Variants in KCNH1 observed in about 807,000 individuals in gnomAD.
KCNH1 encodes voltage-gated delayed rectifier potassium channel KCNH1.
KCNH1 carries 27 observed loss-of-function variants against 69.2 expected under a neutral mutation model. The ratio of observed to expected loss-of-function variants is 0.39; its 90% CI spans 0.29 to 0.54. The LOEUF is 0.54. Among genes scored for constraint, KCNH1 ranks in the 20% least tolerant of loss-of-function variants. KCNH1 has a pLI of 0.68. For synonymous variants in KCNH1, 456 were observed against 487.7 expected (o/e 0.93, Z 0.86); for missense variants, 798 against 1,261.6 (o/e 0.63, Z 5.57).
intron 5 of KCNH1, among the ~76,000 whole-genome samples, chr1:211,031,542 A>C (rs1002187900): frequency 6.6e-6 from 1 of 152,176 alleles, no homozygotes; most frequent in African/African-American, 2.4e-5. Context: ...AAGCTTATCC[A>C]TGATCATGAT....
chr1:210,714,281 T>A (rs1360720924), intron 10 of KCNH1, among the ~76,000 whole-genome samples: 1 of 152,132 alleles, frequency 6.6e-6, no homozygotes, highest in Non-Finnish European at 1.5e-5. Flanking sequence ...GGGAGTAAAG[T>A]AAAGTATAGT....
intron 7 of KCNH1, among the ~76,000 whole-genome samples, chr1:210,826,631 C>T (rs1372401466): frequency 6.6e-6 from 1 of 152,192 alleles, no homozygotes; most frequent in African/African-American, 2.4e-5. Context: ...GCTAGCAACC[C>T]CCAGTTCAGC....
intron 5 of KCNH1, among the ~76,000 whole-genome samples, chr1:211,033,054 T>G (rs1395214096): frequency 2.6e-5 from 4 of 151,930 alleles, no homozygotes; most frequent in Non-Finnish European, 5.9e-5. Context: ...TGAACTCAAA[T>G]AAATTTACAA....
intron 4 of KCNH1, among the ~76,000 whole-genome samples, chr1:211,083,441 G>A (rs1690892755): frequency 6.6e-6 from 1 of 152,222 alleles, no homozygotes; most frequent in African/African-American, 2.4e-5. Flanking sequence ...GGGTAGGTGG[G>A]GGAAAAGCAG....
intron 7 of KCNH1, among the ~76,000 whole-genome samples, chr1:210,848,914 G>C (rs1685620931): frequency 6.6e-6 from 1 of 152,158 alleles, no homozygotes; most frequent in African/African-American, 2.4e-5. Context: ...AGAGTTAAGT[G>C]TCTTAGACCT....
intron 7 of KCNH1, among the ~76,000 whole-genome samples, chr1:210,816,199 AG>A (rs1336040276): frequency 6.6e-6 from 1 of 152,218 alleles, no homozygotes; most frequent in African/African-American, 2.4e-5. Flanking sequence ...TTATAACAAG[AG>A]AAGCCTAAAA....
chr1:210,743,501 G>A (rs930173730), intron 10 of KCNH1, among the ~76,000 whole-genome samples: 30 of 152,148 alleles, frequency 2.0e-4, no homozygotes, highest in African/African-American at 7.2e-4. Context: ...TAGGGGTCCT[G>A]GTTACAGCCT....
chr1:211,020,958 A>G (rs1186439685), intron 5 of KCNH1, among the ~76,000 whole-genome samples: 3 of 152,022 alleles, frequency 2.0e-5, no homozygotes, highest in Non-Finnish European at 4.4e-5. Flanking sequence ...AAAAAACTCA[A>G]CAAATGAGGT....
intron 10 of KCNH1, among the ~76,000 whole-genome samples, chr1:210,755,160 C>T (rs900747149): frequency 2.2e-5 from 3 of 137,360 alleles, no homozygotes; most frequent in Non-Finnish European, 4.7e-5. Context: ...ACAGAGTGGT[C>T]GGGGTGGGGG....
At chr1:211,056,982 C>G (rs944542213) in intron 5 of KCNH1, among the ~76,000 whole-genome samples, 4 of 152,122 alleles carry the variant, frequency 2.6e-5, no homozygotes, top group African/African-American at 9.7e-5. Context: ...TGAACATCCA[C>G]CAGTATCGAG....
chr1:211,023,160 A>AAATT lies in KCNH1; in HGVS notation c.559-3908_559-3905dup, dbSNP rs367671816. Among the ~76,000 whole-genome samples, 632 of 100,534 alleles carry AAATT rather than the reference A, an allele frequency of 6.3e-3. 3 individuals carry two copies. Among genetic ancestry groups the AAATT allele is most frequent in the Non-Finnish European group, 9.9e-3 (481 of 48,672 alleles). The allele number at this position is 100,534 out of a possible 152,430, so 66.0% of individuals were successfully genotyped here. Reference sequence around the variant, plus strand: ...TAAATAAATAAATAAATAAATAAATAAATTAAAAATGCTGGTGAGGATCCA... The same window carrying AAATT: ...TAAATAAATAAATAAATAAATAAATAAATTAATTAAAAATGCTGGTGAGGATCCA... On this transcript the variant is annotated intron_variant, in intron 5 of 10. Transcript: ENST00000271751.
intron 10 of KCNH1, among the ~76,000 whole-genome samples, chr1:210,742,823 G>A (rs766457785): frequency 2.6e-5 from 4 of 152,084 alleles, no homozygotes; most frequent in Non-Finnish European, 4.4e-5. Context: ...GAACGAGGAG[G>A]CTCAGTTCAT....
chr1:210,831,541 C>T (rs75147474), intron 7 of KCNH1, among the ~76,000 whole-genome samples: 14,306 of 152,188 alleles, frequency 0.094, 709 homozygotes, highest in Non-Finnish European at 0.11. Flanking sequence ...TGAATAGATG[C>T]CTCAGTAGGC....
At chr1:210,961,158 T>C (rs924785015) in intron 6 of KCNH1, among the ~76,000 whole-genome samples, 7 of 152,316 alleles carry the variant, frequency 4.6e-5, no homozygotes, top group African/African-American at 1.7e-4. Flanking sequence ...TTAAAATCTT[T>C]TGTCTATTTT....
chr1:210,901,279 CT>C (rs2102535924), intron 7 of KCNH1, among the ~76,000 whole-genome samples: 1 of 152,266 alleles, frequency 6.6e-6, no homozygotes, highest in South Asian at 2.1e-4. Context: ...ATCACCTGGT[CT>C]TGTTGGTCCC....
At chr1:210,699,974 G>A (rs1464793856) in intron 10 of KCNH1, among the ~76,000 whole-genome samples, 6 of 152,104 alleles carry the variant, frequency 3.9e-5, no homozygotes, top group African/African-American at 1.4e-4. Context: ...CAACTCCCAG[G>A]TATTAAATTA....
At chr1:210,772,982 T>TA (rs1683781433) in intron 10 of KCNH1, among the ~76,000 whole-genome samples, 1 of 152,154 alleles carries the variant, frequency 6.6e-6, no homozygotes. Context: ...TGTTTTTTTT[T>TA]AAAGACAGAT....
At chr1:210,938,583 A>T (rs1478162769) in intron 6 of KCNH1, among the ~76,000 whole-genome samples, 2 of 152,066 alleles carry the variant, frequency 1.3e-5, no homozygotes, top group African/African-American at 4.8e-5. Context: ...CTCATCTCTC[A>T]CTTCTTCTCT....
intron 1 of KCNH1, among the ~76,000 whole-genome samples, chr1:211,113,984 A>T (rs1306384639): frequency 6.7e-6 from 1 of 149,734 alleles, no homozygotes; most frequent in African/African-American, 2.4e-5. Flanking sequence ...TCACACACAC[A>T]CACACACACA....
Sources: gnomAD v4.1 joint callset for allele counts (sites outside exome capture counted in the v4.1 genomes callset) on GRCh38, gnomAD v4.1.1 for gene constraint, MANE v1.5 for transcripts, NCBI Gene and HGNC (gene_info 2026-07-23, HGNC 2026-07-21) for gene names.